Variants in VAPA observed in about 807,000 individuals in gnomAD.
VAPA encodes vesicle-associated membrane protein-associated protein A.
VAPA carries 6 observed loss-of-function variants against 25.6 expected under a neutral mutation model. The observed-to-expected ratio is 0.23, with a 90% CI of 0.13 to 0.46. The LOEUF is 0.46. VAPA is among the 20% of genes least tolerant of loss of function. The pLI is 0.99. For synonymous variants in VAPA, 112 were observed against 106.2 expected (o/e 1.05, Z -0.34); for missense variants, 244 against 302.1 (o/e 0.81, Z 1.43).
rs1245911550 is a variant in VAPA, at chr18:9,959,237, T to C, written c.*5026T>C. Reference sequence around the variant, plus strand: ...TCAAATATTGACTCCTCACAAACAGTAAGTATGGCAATTTTGTGATGCCTT... The same window carrying C: ...TCAAATATTGACTCCTCACAAACAGCAAGTATGGCAATTTTGTGATGCCTT... On this transcript the variant is annotated 3_prime_UTR_variant, in exon 6 of 6. Transcript: ENST00000400000. The C allele has an allele frequency of 6.6e-6, 1 of 152,168 alleles. No individual in the cohort carries two copies. Among genetic ancestry groups the C allele is most frequent in the Non-Finnish European group, 1.5e-5 (1 of 68,020 alleles). The allele number at this position is 152,168 out of a possible 1,614,324, so 9.4% of individuals were successfully genotyped here. A position where few individuals can be genotyped will look rare whatever the true frequency, so the allele number is the denominator to read the frequency against.
At chr18:9,936,359 C>G (rs2069310150) in intron 3 of VAPA, 146 bp downstream of exon 3, 2 of 467,652 alleles carry the variant, frequency 4.3e-6, no homozygotes, top group African/African-American at 4.0e-5. Context: ...TATAGATAAT[C>G]CTAACTTAAA....
chr18:9,916,067 T>C (rs1404004535), intron 1 of VAPA, among the ~76,000 whole-genome samples: 2 of 152,224 alleles, frequency 1.3e-5, no homozygotes, highest in Non-Finnish European at 2.9e-5. Context: ...TATGTGTAAA[T>C]TGCCATTAGG....
chr18:9,924,242 T>C (rs1022286185), intron 1 of VAPA, among the ~76,000 whole-genome samples: 2 of 152,222 alleles, frequency 1.3e-5, no homozygotes, highest in African/African-American at 4.8e-5. Context: ...TCTATTTCTT[T>C]ACATCCTACC....
At chr18:9,946,860 A>G (rs1249558744) in intron 4 of VAPA, among the ~76,000 whole-genome samples, 1 of 152,238 alleles carries the variant, frequency 6.6e-6, no homozygotes, top group Non-Finnish European at 1.5e-5. Flanking sequence ...AATTTTTGAC[A>G]TAAAGCACAA....
At chr18:9,940,420 A>C (rs1332918241) in intron 4 of VAPA, among the ~76,000 whole-genome samples, 1 of 152,178 alleles carries the variant, frequency 6.6e-6, no homozygotes. Flanking sequence ...TACCTGTGAC[A>C]AAATTGATTT....
At chr18:9,946,461 T>G (rs926718972) in intron 4 of VAPA, among the ~76,000 whole-genome samples, 7 of 139,092 alleles carry the variant, frequency 5.0e-5, no homozygotes, top group South Asian at 2.3e-4. Context: ...ACACTATGAG[T>G]TTTTTTTTGT....
rs145045083 is a variant in VAPA at position 9,946,587 on chromosome 18, C to G, written c.418-3808C>G. Among the ~76,000 whole-genome samples the G allele has an allele frequency of 1.1e-3, 161 of 151,680 alleles. 1 individual carries two copies. The highest frequency in any genetic ancestry group is 3.7e-3 in the African/African-American group (153 of 41,308). ...CAGGGAAGCCAGAAGATTGGACACC[C>G]GTGACTATACACAGAAAAGGCGCAG... On this transcript the variant is annotated intron_variant, in intron 4 of 5. Coordinates refer to ENST00000400000, the MANE Select transcript of VAPA (RefSeq NM_194434.3).
rs1241271261 is a variant in VAPA at position 9,954,623 on chromosome 18, T to G, written c.*412T>G. On this transcript the variant is annotated 3_prime_UTR_variant, in exon 6 of 6. Coordinates refer to ENST00000400000, the MANE Select transcript of VAPA (RefSeq NM_194434.3). Reference sequence around the variant, plus strand: ...TATTTAGATTGCTAATCCCACTCATTCAGGAAATGCCAAGAGGTATTCCTT... The same window carrying G: ...TATTTAGATTGCTAATCCCACTCATGCAGGAAATGCCAAGAGGTATTCCTT... 6.4e-6 allele frequency: 1 copy of G among 156,508 alleles called. No individual in the cohort carries two copies. Among genetic ancestry groups the G allele is most frequent in the Non-Finnish European group, 1.4e-5 (1 of 70,968 alleles). 9.7% of individuals were successfully genotyped at this position (156,508 alleles called of 1,614,324 possible).
intron 4 of VAPA, among the ~76,000 whole-genome samples, chr18:9,941,506 CTT>C (rs963086794): frequency 2.2e-4 from 33 of 152,042 alleles, no homozygotes; most frequent in African/African-American, 7.7e-4. Context: ...CAAAACACCT[CTT>C]AATATTTTAT....
At chr18:9,926,294 A>C (rs957720133) in intron 1 of VAPA, among the ~76,000 whole-genome samples, 2 of 152,182 alleles carry the variant, frequency 1.3e-5, no homozygotes, top group South Asian at 4.1e-4. Flanking sequence ...TCAGTGATAC[A>C]ACTTAATTAG....
intron 1 of VAPA, 115 bp downstream of exon 1, chr18:9,914,450 C>G: frequency 2.3e-6 from 2 of 876,494 alleles, no homozygotes; most frequent in South Asian, 2.5e-5. Flanking sequence ...CCCCCTCCCC[C>G]ACGCCCCGGC....
chr18:9,923,720 C>T (rs2069176170), intron 1 of VAPA, among the ~76,000 whole-genome samples: 1 of 151,968 alleles, frequency 6.6e-6, no homozygotes, highest in African/African-American at 2.4e-5. Flanking sequence ...AGTACTGTTC[C>T]CACTGAGAAA....
chr18:9,918,670 ACTTT>A (rs1166087428), intron 1 of VAPA, among the ~76,000 whole-genome samples: 1 of 152,158 alleles, frequency 6.6e-6, no homozygotes, highest in African/African-American at 2.4e-5. Context: ...CACTCTGTGA[ACTTT>A]CTTTGTTCAT....
chr18:9,931,646 G>T, intron 1 of VAPA, 164 bp from the exon 2 acceptor site: 1 of 507,542 alleles, frequency 2.0e-6, no homozygotes, highest in Non-Finnish European at 3.4e-6. Flanking sequence ...TTGTTTTTAA[G>T]TCTGCCACCT....
intron 1 of VAPA, chr18:9,923,950 A>AGGG (rs550369283): frequency 0.037 from 6,429 of 174,730 alleles, 180 homozygotes; most frequent in Admixed American, 0.071. Context: ...AACGCGCCCC[A>AGGG]TCTCGTCTGA....
In VAPA at chr18:9,954,775, A is replaced by T. The variant is rs1037840090; in HGVS notation, c.*564A>T. 6.6e-6 allele frequency: 1 copy of T among 152,494 alleles called. No individual in the cohort carries two copies. The allele number at this position is 152,494 out of a possible 1,614,324, so 9.4% of individuals were successfully genotyped here. On this transcript the variant is annotated 3_prime_UTR_variant, in exon 6 of 6. Transcript: ENST00000400000. ...TTTTTCATCCTTACAATCCTGTCCC[A>T]TGGTATTTAACATAAAAAAAAATAA...
chr18:9,916,531 GT>G (rs1442035335), intron 1 of VAPA, among the ~76,000 whole-genome samples: 1 of 152,202 alleles, frequency 6.6e-6, no homozygotes, highest in African/African-American at 2.4e-5. Context: ...ATGCCCAATA[GT>G]TTGTTGTGTG....
intron 2 of VAPA, among the ~76,000 whole-genome samples, chr18:9,933,817 C>T (rs1407209483): frequency 2.0e-5 from 3 of 152,298 alleles, no homozygotes; most frequent in East Asian, 1.9e-4. Context: ...GGATTACAGG[C>T]GTGAGCCACT....
intron 1 of VAPA, among the ~76,000 whole-genome samples, chr18:9,916,298 T>G (rs968167754): frequency 6.6e-6 from 1 of 152,212 alleles, no homozygotes; most frequent in Non-Finnish European, 1.5e-5. Flanking sequence ...TCATTGTTTT[T>G]GTGTTGCCAG....
Sources: allele counts gnomAD v4.1 joint callset (sites outside exome capture counted in the v4.1 genomes callset), GRCh38; gene constraint gnomAD v4.1.1; transcripts MANE v1.5; gene names NCBI Gene and HGNC (gene_info 2026-07-23, HGNC 2026-07-21).